Variants in CCDC92 observed in about 807,000 individuals in gnomAD.
CCDC92 encodes coiled-coil domain containing 92.
Under a neutral mutation model 24.9 loss-of-function variants are expected in CCDC92, and 12 were observed. The observed-to-expected ratio is 0.48, with a 90% CI of 0.31 to 0.78. The LOEUF (loss-of-function observed/expected upper bound fraction) is 0.78, where lower values mean the gene tolerates loss of function less well. Ranked by LOEUF, CCDC92 falls within the 30% of genes least tolerant of loss-of-function variation. The pLI, the probability that CCDC92 is intolerant of heterozygous loss-of-function variation, is 0.05. For missense variants in CCDC92, 399 were observed against 439.4 expected, an observed-to-expected ratio of 0.91 and a Z score of 0.82; for synonymous variants, 193 against 196.3, an observed-to-expected ratio of 0.98 and a Z score of 0.14.
chr12:123,957,270 C>A (rs997205539), intron 1 of CCDC92, among the ~76,000 whole-genome samples: 17 of 152,252 alleles, frequency 1.1e-4, no homozygotes, highest in African/African-American at 4.1e-4. Context: ...GTTGATCCAG[C>A]TCTGGTGAAG....
At chr12:123,938,855 C>T (rs1566144807) in intron 4 of CCDC92, among the ~76,000 whole-genome samples, 1 of 152,184 alleles carries the variant, frequency 6.6e-6, no homozygotes, top group Non-Finnish European at 1.5e-5. Context: ...CCTCCCCTCC[C>T]TGACTGTGCC....
At chr12:123,955,621 G>A (rs968470509) in intron 1 of CCDC92, among the ~76,000 whole-genome samples, 2 of 152,176 alleles carry the variant, frequency 1.3e-5, no homozygotes, top group African/African-American at 4.8e-5. Flanking sequence ...AGGAAAGAAA[G>A]GTATTTAGTA....
At chr12:123,946,982 C>T (rs979946696) in intron 1 of CCDC92, among the ~76,000 whole-genome samples, 2 of 152,040 alleles carry the variant, frequency 1.3e-5, no homozygotes, top group East Asian at 1.9e-4. Context: ...CGTGCGGCGG[C>T]GCTTGCAGGC....
In CCDC92 at chr12:123,943,456, C is replaced by G. The variant is rs1311315743; in HGVS notation, c.72G>C (p.Glu24Asp). The change falls in exon 3 of 5, where the codon GAG becomes GAC. Residue 24 changes from glutamate to aspartate, a missense_variant. By Grantham distance (45) the Glu-to-Asp change is conservative. Transcript: ENST00000238156. ...LDVSMAATNLENQLHSAQKNL... is the reference protein window; with the variant it reads ...LDVSMAATNLDNQLHSAQKNL... Reference sequence around the variant, plus strand: ...TCTTCTGTGCGCTGTGCAGCTGGTTCTCCAGGTTTGTGGCTGCCATGCTGA... The same window carrying G: ...TCTTCTGTGCGCTGTGCAGCTGGTTGTCCAGGTTTGTGGCTGCCATGCTGA... 1.5e-5 allele frequency: 25 copies of G among 1,614,102 alleles called. No individual in the cohort carries two copies. Among genetic ancestry groups the G allele is most frequent in the Non-Finnish European group, 2.1e-5 (25 of 1,180,052 alleles).
chr12:123,950,293 G>A (rs1263595974), intron 1 of CCDC92, among the ~76,000 whole-genome samples: 3 of 152,186 alleles, frequency 2.0e-5, no homozygotes, highest in South Asian at 4.1e-4. Flanking sequence ...GCCCGGAAGG[G>A]AAAGCAGCGT....
chr12:123,944,104 T>C, intron 2 of CCDC92, 168 bp downstream of exon 2: 1 of 580,748 alleles, frequency 1.7e-6, no homozygotes, highest in Non-Finnish European at 3.1e-6. Flanking sequence ...GGAAGCCCCC[T>C]GCACTTCACA....
In CCDC92 at chr12:123,936,723, A is replaced by T. The variant is rs1955506574; in HGVS notation, c.*335T>A. ...ATGTGTTGCTCCGACTTGAGAATGA[A>T]TTAGGTGTGTGACTGTGTGGCATCG... On this transcript the variant is annotated 3_prime_UTR_variant, in exon 5 of 5. Transcript: ENST00000238156. 1 of 409,734 alleles carries T rather than the reference A, an allele frequency of 2.4e-6. No individual in the cohort carries two copies. The highest frequency in any genetic ancestry group is 4.4e-6 in the Non-Finnish European group (1 of 227,264). 25.4% of individuals were successfully genotyped at this position (409,734 alleles called of 1,614,324 possible).
At chr12:123,964,948 G>A (rs904020478) in intron 1 of CCDC92, among the ~76,000 whole-genome samples, 6 of 152,122 alleles carry the variant, frequency 3.9e-5, no homozygotes, top group Non-Finnish European at 8.8e-5. Flanking sequence ...GAGGCAATTA[G>A]TTAATAATTT....
chr12:123,937,771 G>A lies in CCDC92; in HGVS notation c.283C>T (p.Leu95=). The part of the protein sequence containing the change: ...KKRCEELEAQ[L]KVKENENAEL... ...GCATTTTCGTTCTCTTTCACTTTCA[G>A]TTGGGCTTCCAGCTCTTCACATCTT... The change falls in exon 5 of 5, where the codon CTG becomes TTG. Residue 95 remains leucine, a synonymous_variant. Coordinates refer to ENST00000238156, the MANE Select transcript of CCDC92 (RefSeq NM_025140.3). The surrounding 1 kb of genome is among the most constrained non-coding windows in gnomAD (Gnocchi z 8.4). The A allele has an allele frequency of 6.2e-7, 1 of 1,613,808 alleles. No individual in the cohort carries two copies. Among genetic ancestry groups the A allele is most frequent in the Non-Finnish European group, 8.5e-7 (1 of 1,180,032 alleles).
Position 123,937,274 on chromosome 12 carries a change from C to G in CCDC92, c.780G>C (p.Glu260Asp). Residue 260 changes from glutamate (E) to aspartate (D), a missense_variant, in exon 5 of 5, where the codon GAG becomes GAC. Transcript: ENST00000238156. The surrounding 1 kb of genome is among the most constrained non-coding windows in gnomAD (Gnocchi z 8.4). ...RESAEVHLIK[E>D]RPLVIPPIAS... ...CGATGGGGGGGATGACGAGGGGCCT[C>G]TCTTTGATGAGGTGGACCTCGGCGG... is the stretch of plus-strand genomic sequence containing the variant. 6.2e-7 allele frequency: 1 copy of G among 1,612,498 alleles called. No individual in the cohort carries two copies. Among genetic ancestry groups the G allele is most frequent in the East Asian group, 2.2e-5 (1 of 44,864 alleles).
chr12:123,965,386 C>T (rs978062988), intron 1 of CCDC92, among the ~76,000 whole-genome samples: 9 of 152,144 alleles, frequency 5.9e-5, no homozygotes, highest in Non-Finnish European at 1.5e-5. Context: ...TATATTCTGT[C>T]CAGAAGTCAA....
At chr12:123,954,905 G>A (rs1044751887) in intron 1 of CCDC92, among the ~76,000 whole-genome samples, 36 of 152,218 alleles carry the variant, frequency 2.4e-4, no homozygotes, top group African/African-American at 8.4e-4. Flanking sequence ...AGAGCTGGAG[G>A]GGCGATGCCC....
intron 1 of CCDC92, among the ~76,000 whole-genome samples, chr12:123,962,210 A>G (rs1337386756): frequency 6.6e-6 from 1 of 152,190 alleles, no homozygotes; most frequent in Non-Finnish European, 1.5e-5. Context: ...AAAGCTGCAG[A>G]AAAACAGATA....
At chr12:123,949,645 C>T (rs568772919) in intron 1 of CCDC92, among the ~76,000 whole-genome samples, 7 of 152,356 alleles carry the variant, frequency 4.6e-5, no homozygotes, top group South Asian at 2.1e-4. Flanking sequence ...TTAAGCCACA[C>T]GTACAGTTTT....
At chr12:123,963,572 C>G (rs891743793) in intron 1 of CCDC92, among the ~76,000 whole-genome samples, 4 of 152,192 alleles carry the variant, frequency 2.6e-5, no homozygotes, top group African/African-American at 9.7e-5. Context: ...CAAATAAACT[C>G]CAAATTGCCT....
intron 1 of CCDC92, among the ~76,000 whole-genome samples, chr12:123,965,626 C>T (rs1956375093): frequency 6.6e-6 from 1 of 152,116 alleles, no homozygotes; most frequent in African/African-American, 2.4e-5. Flanking sequence ...CTGAACAGTC[C>T]CTTATGGTGG....
chr12:123,964,864 TAAC>T (rs1956355200), intron 1 of CCDC92, among the ~76,000 whole-genome samples: 1 of 152,246 alleles, frequency 6.6e-6, no homozygotes, highest in Non-Finnish European at 1.5e-5. Flanking sequence ...CAATTTTAAA[TAAC>T]AATTGCATTA....
Position 123,964,044 on chromosome 12 carries a change from C to A in CCDC92, c.-60+8485G>T, listed in dbSNP as rs190409905. ...CAGGTTCCATGGTCACCAGGAAACC[C>A]TGTTTACAAGAGCCATAATTTGAAC... On this transcript the variant is annotated intron_variant, in intron 1 of 4. Transcript: ENST00000238156. Among the ~76,000 whole-genome samples, 8 of 152,254 alleles carry A rather than the reference C, an allele frequency of 5.3e-5. No individual in the cohort carries two copies. The East Asian group carries it at 7.7e-4, about 15-fold the overall frequency.
chr12:123,940,270 G>A (rs561456554), intron 4 of CCDC92, among the ~76,000 whole-genome samples: 2 of 152,180 alleles, frequency 1.3e-5, no homozygotes, highest in African/African-American at 4.8e-5. Context: ...CAGCCCCTCC[G>A]AGTCAGAGCA....
Sources: allele counts gnomAD v4.1 joint callset (sites outside exome capture counted in the v4.1 genomes callset), GRCh38; gene constraint gnomAD v4.1.1; non-coding constraint Gnocchi (gnomAD v3.1); transcripts MANE v1.5; gene names NCBI Gene and HGNC (gene_info 2026-07-23, HGNC 2026-07-21).